The following MTREX variants were observed in gnomAD, a reference collection of about 807,000 sequenced individuals.
The protein encoded by MTREX is exosome RNA helicase MTR4.
A neutral mutation model predicts 135.4 loss-of-function variants in MTREX; 76 were observed. That is an observed-to-expected ratio of 0.56 (90% CI 0.47 to 0.68). The LOEUF (loss-of-function observed/expected upper bound fraction) is 0.68. MTREX is among the 30% of genes least tolerant of loss of function. MTREX has a pLI of 0.00. For missense variants in MTREX, 920 were observed against 1,262.1 expected, an observed-to-expected ratio of 0.73 and a Z score of 4.11; for synonymous variants, 404 against 401.6, an observed-to-expected ratio of 1.01 and a Z score of -0.07.
intron 18 of MTREX, among the ~76,000 whole-genome samples, chr5:55,384,129 A>G (rs568975559): frequency 6.6e-6 from 1 of 152,310 alleles, no homozygotes; most frequent in Non-Finnish European, 1.5e-5. Flanking sequence ...TGGAACTTCC[A>G]TTATGGGTAT....
intron 19 of MTREX, among the ~76,000 whole-genome samples, chr5:55,390,587 C>T (rs573410517): frequency 5.9e-5 from 9 of 152,292 alleles, no homozygotes; most frequent in African/African-American, 1.7e-4. Context: ...AGTTTTGACA[C>T]TGTTGCTTTG....
At chr5:55,320,873 T>A (rs529482085) in intron 1 of MTREX, among the ~76,000 whole-genome samples, 10 of 152,172 alleles carry the variant, frequency 6.6e-5, no homozygotes, top group Non-Finnish European at 1.5e-4. Context: ...TACCCTGTCC[T>A]TTTTTAGTTA....
At chr5:55,378,273 A>G in intron 16 of MTREX, 41 bp from the exon 17 acceptor site, 1 of 1,531,754 alleles carries the variant, frequency 6.5e-7, no homozygotes. Flanking sequence ...TTTAAATAAG[A>G]TGTATAACCT....
intron 16 of MTREX, among the ~76,000 whole-genome samples, chr5:55,374,264 T>TTTTA (rs1554033276): frequency 1.4e-5 from 2 of 139,654 alleles, no homozygotes; most frequent in African/African-American, 5.3e-5. Flanking sequence ...CAAAAAACAT[T>TTTTA]TATATATATA....
At chr5:55,377,023 AC>A (rs1028284923) in intron 16 of MTREX, among the ~76,000 whole-genome samples, 7 of 151,522 alleles carry the variant, frequency 4.6e-5, no homozygotes, top group South Asian at 2.1e-4. Flanking sequence ...GTGAGCCAAG[AC>A]TGTCTCAAAA....
chr5:55,332,100 CT>C (rs1369548220), intron 5 of MTREX, among the ~76,000 whole-genome samples: 2 of 152,156 alleles, frequency 1.3e-5, no homozygotes, highest in Non-Finnish European at 2.9e-5. Context: ...GTCCTTGATA[CT>C]ACCTGGGAAC....
intron 14 of MTREX, 43 bp downstream of exon 14, chr5:55,353,312 T>C: frequency 7.6e-7 from 1 of 1,318,486 alleles, no homozygotes; most frequent in Non-Finnish European, 1.1e-6. Context: ...TTTGTCTTTG[T>C]TATACTATAG....
chr5:55,353,347 G>C, intron 14 of MTREX, 78 bp downstream of exon 14: 1 of 855,348 alleles, frequency 1.2e-6, no homozygotes, highest in South Asian at 1.7e-5. Flanking sequence ...TAGTCTTTGA[G>C]ATTTTAAGTC....
intron 16 of MTREX, among the ~76,000 whole-genome samples, chr5:55,376,110 T>C (rs1750297005): frequency 1.3e-5 from 2 of 152,246 alleles, no homozygotes; most frequent in Non-Finnish European, 2.9e-5. Flanking sequence ...AAAGATTTTC[T>C]GCCACCTGAT....
chr5:55,390,564 A>G (rs1040719423), intron 19 of MTREX, among the ~76,000 whole-genome samples: 2 of 152,164 alleles, frequency 1.3e-5, no homozygotes, highest in African/African-American at 2.4e-5. Flanking sequence ...AGTGTGTTCT[A>G]AAGATCACTT....
Position 55,327,729 on chromosome 5 carries a change from C to T in MTREX, c.353C>T (p.Ala118Val). 1.2e-6 allele frequency: 2 copies of T among 1,613,042 alleles called. No homozygotes were observed. The highest frequency in any genetic ancestry group is 1.7e-6 in the Non-Finnish European group (2 of 1,179,384). ...EGCTHEVALP[A>V]EEDYLPLKPR... is the part of the protein sequence containing the mutation. ...CTTTGTTGTCAGGTTGCACTTCCTG[C>T]AGAAGAGGATTATTTACCACTTAAA... Residue 118 changes from alanine to valine, a missense_variant, in exon 4 of 27, where the codon GCA becomes GTA. Physicochemically the swap from Ala to Val is moderately conservative, Grantham distance 64 (BLOSUM62 0). Coordinates refer to ENST00000230640, the MANE Select transcript of MTREX (RefSeq NM_015360.5).
At chr5:55,370,294 A>G (rs989899146) in intron 16 of MTREX, among the ~76,000 whole-genome samples, 1 of 152,166 alleles carries the variant, frequency 6.6e-6, no homozygotes, top group African/African-American at 2.4e-5. Flanking sequence ...ACTTAGAAGT[A>G]TATCTCTGGC....
Position 55,425,472 on chromosome 5 carries a change from A to T in MTREX, c.*700A>T. On this transcript the variant is annotated 3_prime_UTR_variant, in exon 27 of 27. Transcript: ENST00000230640. ...GTACAGATTAAGCATATAAAAAATT[A>T]GAGACTAACTGGGATTTTTTAAAGA... 1.3e-6 allele frequency: 1 copy of T among 763,326 alleles called. No homozygotes were observed. The highest frequency in any genetic ancestry group is 1.9e-6 in the Non-Finnish European group (1 of 521,278). 47.3% of individuals were successfully genotyped at this position (763,326 alleles called of 1,614,324 possible).
chr5:55,396,919 A>G (rs1750655444), intron 19 of MTREX, among the ~76,000 whole-genome samples: 1 of 152,206 alleles, frequency 6.6e-6, no homozygotes, highest in Admixed American at 6.5e-5. Context: ...AAGAGAAAAC[A>G]TGGAAGAAAG....
Position 55,425,436 on chromosome 5 carries a change from T to G in MTREX, c.*664T>G, listed in dbSNP as rs886115288. The G allele has an allele frequency of 1.2e-4, 133 of 1,094,502 alleles. No individual in the cohort carries two copies. Among genetic ancestry groups the G allele is most frequent in the Non-Finnish European group, 1.7e-4 (129 of 770,744 alleles). 67.8% of individuals were successfully genotyped at this position (1,094,502 alleles called of 1,614,324 possible). On this transcript the variant is annotated 3_prime_UTR_variant, in exon 27 of 27. Transcript: ENST00000230640. ...TAAGATAAATATAAACAAAAGGATA[T>G]ACTTTGAGGTGTACAGATTAAGCAT...
intron 15 of MTREX, 80 bp from the exon 16 acceptor site, chr5:55,366,645 T>G: frequency 9.7e-7 from 1 of 1,032,080 alleles, no homozygotes; most frequent in African/African-American, 1.6e-5. Context: ...TAGACTGTTA[T>G]TGAGCATTAT....
Position 55,378,446 on chromosome 5 carries a change from A to C in MTREX, c.1943A>C (p.Lys648Thr). The change falls in exon 17 of 27, where the codon AAA becomes ACA. Residue 648 changes from lysine (K) to threonine (T), a missense_variant. Lys to Thr is a moderately conservative substitution (Grantham distance 78, BLOSUM62 -1). Coordinates refer to ENST00000230640, the MANE Select transcript of MTREX (RefSeq NM_015360.5). Reference protein sequence around the residue: ...KEIEEYIHKPKYCLPFLQPGR... With the variant: ...KEIEEYIHKPTYCLPFLQPGR... ...ATTGAAGAATATATTCACAAACCAA[A>C]ATACTGCTTACCTTTTCTACAACCA... is the stretch of plus-strand genomic sequence containing the variant. 1 of 1,611,452 alleles carries C rather than the reference A, an allele frequency of 6.2e-7. No individual in the cohort carries two copies. The highest frequency in any genetic ancestry group is 8.5e-7 in the Non-Finnish European group (1 of 1,179,220).
chr5:55,392,996 G>A (rs1026746624), intron 19 of MTREX, among the ~76,000 whole-genome samples: 3 of 152,124 alleles, frequency 2.0e-5, no homozygotes, highest in African/African-American at 4.8e-5. Context: ...GTCTTCCGGG[G>A]AACCACCAGA....
intron 5 of MTREX, among the ~76,000 whole-genome samples, chr5:55,334,094 C>T (rs1294245366): frequency 1.3e-5 from 2 of 152,008 alleles, no homozygotes; most frequent in African/African-American, 4.8e-5. Context: ...TTTATGATTC[C>T]ATTTATGTGA....
Sources: allele counts gnomAD v4.1 joint callset (sites outside exome capture counted in the v4.1 genomes callset), GRCh38; gene constraint gnomAD v4.1.1; transcripts MANE v1.5; gene names NCBI Gene and HGNC (gene_info 2026-07-23, HGNC 2026-07-21).